Variants in CFAP221 observed in about 807,000 individuals in gnomAD.
The protein encoded by CFAP221 is cilia and flagella associated protein 221, also known as cilia- and flagella-associated protein 221.
In CFAP221, 97 loss-of-function variants were observed where a neutral mutation model predicts 113.1. The ratio of observed to expected loss-of-function variants is 0.86; its 90% CI spans 0.73 to 1.02. The LOEUF (loss-of-function observed/expected upper bound fraction) is 1.02. CFAP221 is among the 50% of genes least tolerant of loss of function. CFAP221 has a pLI of 0.00. For missense variants in CFAP221, 1,025 were observed against 1,013.4 expected, an observed-to-expected ratio of 1.01 and a Z score of -0.16; for synonymous variants, 331 against 354.4, an observed-to-expected ratio of 0.93 and a Z score of 0.74.
At chr2:119,611,420 C>CAAAAAAA in intron 12 of CFAP221, among the ~76,000 whole-genome samples, 1 of 113,450 alleles carries the variant, frequency 8.8e-6, no homozygotes, top group African/African-American at 4.0e-5. Context: ...GAGACAACGT[C>CAAAAAAA]AAAAAAAAAA....
rs138638809 is a variant in CFAP221, at chr2:119,585,181, C to T, written c.528-1938C>T. ...TAGTTTGAGCAAAAATAGCAAGTTTCAGAGCAATATTGTTAAAAAACAAAC... is the reference window on the plus strand; with the variant it reads ...TAGTTTGAGCAAAAATAGCAAGTTTTAGAGCAATATTGTTAAAAAACAAAC... On this transcript the variant is annotated intron_variant, in intron 6 of 23. Coordinates refer to ENST00000413369, the MANE Select transcript of CFAP221 (RefSeq NM_001271049.2). Among the ~76,000 whole-genome samples, 400 of 152,274 alleles carry T rather than the reference C, an allele frequency of 2.6e-3. 2 individuals are homozygous for T. The highest frequency in any genetic ancestry group is 9.1e-3 in the African/African-American group (377 of 41,554).
chr2:119,624,798 C>G (rs910291396), intron 14 of CFAP221, among the ~76,000 whole-genome samples: 1 of 152,098 alleles, frequency 6.6e-6, no homozygotes, highest in African/African-American at 2.4e-5. Flanking sequence ...CATGTTCTCC[C>G]TCATAAGTGG....
chr2:119,659,917 G>A (rs1688556912), downstream of CFAP221, among the ~76,000 whole-genome samples: 1 of 152,186 alleles, frequency 6.6e-6, no homozygotes, highest in South Asian at 2.1e-4. Flanking sequence ...GCTTCCCTCA[G>A]CATCCACGCT....
At chr2:119,601,712 C>A (rs900798254) in intron 8 of CFAP221, 3 of 193,928 alleles carry the variant, frequency 1.5e-5, no homozygotes, top group African/African-American at 7.0e-5. Context: ...AGGGCCAGAA[C>A]AACATAACTG....
At chr2:119,643,550 A>G (rs745799571) in intron 21 of CFAP221, among the ~76,000 whole-genome samples, 30 of 152,050 alleles carry the variant, frequency 2.0e-4, no homozygotes, top group Non-Finnish European at 3.5e-4. Context: ...CATTAAATAT[A>G]TATATGATTT....
chr2:119,586,384 T>C (rs917543295), intron 6 of CFAP221, among the ~76,000 whole-genome samples: 3 of 151,922 alleles, frequency 2.0e-5, no homozygotes, highest in African/African-American at 4.8e-5. Context: ...GGAGAGGACA[T>C]TATGGGAAGC....
intron 6 of CFAP221, among the ~76,000 whole-genome samples, chr2:119,579,986 C>G (rs913426572): frequency 3.9e-5 from 6 of 152,126 alleles, no homozygotes; most frequent in African/African-American, 1.4e-4. Flanking sequence ...CATATTTGGG[C>G]CTTTCAACAC....
At chr2:119,557,802 C>T (rs1558910077) in intron 3 of CFAP221, among the ~76,000 whole-genome samples, 1 of 151,974 alleles carries the variant, frequency 6.6e-6, no homozygotes, top group Non-Finnish European at 1.5e-5. Flanking sequence ...AGTTCGAGAC[C>T]AGCCTGACCA....
chr2:119,642,977 G>T (rs973818751), intron 21 of CFAP221, among the ~76,000 whole-genome samples: 5 of 151,804 alleles, frequency 3.3e-5, no homozygotes, highest in African/African-American at 1.2e-4. Context: ...TGTAAATAGG[G>T]ATAGGGTCTT....
chr2:119,616,078 T>C (rs563676793), intron 14 of CFAP221, among the ~76,000 whole-genome samples: 1 of 152,316 alleles, frequency 6.6e-6, no homozygotes, highest in East Asian at 1.9e-4. Flanking sequence ...AATCAATTTA[T>C]AAATTTATAA....
At chr2:119,604,107 G>A (rs1684553038) in intron 8 of CFAP221, among the ~76,000 whole-genome samples, 1 of 152,158 alleles carries the variant, frequency 6.6e-6, no homozygotes, top group African/African-American at 2.4e-5. Flanking sequence ...AATTGATTAT[G>A]CTAGACCTTG....
At chr2:119,574,571 T>A (rs1356804520) in intron 6 of CFAP221, among the ~76,000 whole-genome samples, 1 of 152,150 alleles carries the variant, frequency 6.6e-6, no homozygotes, top group African/African-American at 2.4e-5. Context: ...GAGAGTGCTT[T>A]CTGGGTTCTC....
At chr2:119,597,724 A>G (rs988684502) in intron 7 of CFAP221, among the ~76,000 whole-genome samples, 4 of 152,180 alleles carry the variant, frequency 2.6e-5, no homozygotes, top group African/African-American at 9.7e-5. Flanking sequence ...GCTCTGTTAT[A>G]GAATTTTCTG....
intron 6 of CFAP221, among the ~76,000 whole-genome samples, chr2:119,583,162 GA>G (rs35631972): frequency 1.2e-4 from 18 of 151,572 alleles, no homozygotes; most frequent in African/African-American, 7.3e-5. Context: ...CATTAATTGG[GA>G]AAAAAAAGCT....
At chr2:119,625,090 C>T (rs1476846228) in intron 14 of CFAP221, among the ~76,000 whole-genome samples, 1 of 152,060 alleles carries the variant, frequency 6.6e-6, no homozygotes, top group Admixed American at 6.5e-5. Context: ...ACAATACCCT[C>T]AGCCACAGCT....
Position 119,647,031 on chromosome 2 carries a change from A to G in CFAP221, c.2299A>G (p.Arg767Gly). 1.2e-6 allele frequency: 2 copies of G among 1,608,378 alleles called. No homozygotes were observed. The highest frequency in any genetic ancestry group is 1.7e-6 in the Non-Finnish European group (2 of 1,178,596). ...CCTTGATGCCTTACCAGAAGAGGACAGACTAGAAACAGTAGAACGGTATTT... is the reference window on the plus strand; with the variant it reads ...CCTTGATGCCTTACCAGAAGAGGACGGACTAGAAACAGTAGAACGGTATTT... ...AILDALPEED[R>G]LETVERELCE... The change falls in exon 22 of 24, where the codon AGA becomes GGA. Residue 767 changes from arginine to glycine, a missense_variant. Arg to Gly is a moderately radical substitution (Grantham distance 125). Coordinates refer to ENST00000413369, the MANE Select transcript of CFAP221 (RefSeq NM_001271049.2).
intron 11 of CFAP221, among the ~76,000 whole-genome samples, chr2:119,606,885 CCTCA>C (rs1322892413): frequency 2.0e-5 from 3 of 152,112 alleles, no homozygotes; most frequent in Non-Finnish European, 4.4e-5. Context: ...ATACACTTCC[CCTCA>C]CTCCACACAC....
chr2:119,615,664 C>T lies in CFAP221; in HGVS notation c.1365C>T (p.Leu455=), dbSNP rs752632340. The T allele has an allele frequency of 6.2e-7, 1 of 1,613,254 alleles. No homozygotes were observed. The highest frequency in any genetic ancestry group is 8.5e-7 in the Non-Finnish European group (1 of 1,179,658). Residue 455 remains leucine (L), a synonymous_variant, in exon 14 of 24, where the codon CTC becomes CTT. Transcript: ENST00000413369. ...ATCCACTCATTAATAACACTTGGCT[C>T]AGCAGGTCCAGGGCACAAAAACGGT... ...TFDPLINNTW[L]SRSRAQKRFQ...
chr2:119,605,230 A>G lies in CFAP221; in HGVS notation c.1074A>G (p.Ala358=), dbSNP rs370358555. 1 of 1,614,172 alleles carries G rather than the reference A, an allele frequency of 6.2e-7. No individual in the cohort carries two copies. The highest frequency in any genetic ancestry group is 8.5e-7 in the Non-Finnish European group (1 of 1,180,024). ...EISKTRQMKE[A]LFEQKVRQDI... ...CAAAAACGAGACAGATGAAGGAGGC[A>G]CTCTTTGAACAGAAAGTCAGACAGG... The change falls in exon 11 of 24, where the codon GCA becomes GCG. Residue 358 remains alanine, a synonymous_variant. Transcript: ENST00000413369.
Sources: allele counts gnomAD v4.1 joint callset (sites outside exome capture counted in the v4.1 genomes callset), GRCh38; gene constraint gnomAD v4.1.1; transcripts MANE v1.5; gene names NCBI Gene and HGNC (gene_info 2026-07-23, HGNC 2026-07-21).